The following CEP192 variants were observed in gnomAD, a reference collection of about 807,000 sequenced individuals.
CEP192 encodes centrosomal protein 192, also known as centrosomal protein of 192 kDa.
Under a neutral mutation model 271.8 loss-of-function variants are expected in CEP192, and 151 were observed. The ratio of observed to expected loss-of-function variants is 0.56; its 90% CI spans 0.49 to 0.64. CEP192 has a LOEUF of 0.64. Ranked by LOEUF, CEP192 falls within the 30% of genes least tolerant of loss-of-function variation. The pLI is 0.00. For missense variants in CEP192, 2,910 were observed against 3,020.5 expected, an observed-to-expected ratio of 0.96 and a Z score of 0.86; for synonymous variants, 995 against 1,076.5, an observed-to-expected ratio of 0.92 and a Z score of 1.48.
At chr18:13,011,209 A>T (rs2034332851) in intron 4 of CEP192, among the ~76,000 whole-genome samples, 1 of 145,180 alleles carries the variant, frequency 6.9e-6, no homozygotes, top group Non-Finnish European at 1.5e-5. Flanking sequence ...CCTGGGTGAC[A>T]GAGAGAGACT....
At chr18:13,000,091 C>CTTTTTTTTTTTTTT (rs775544715) in intron 2 of CEP192, among the ~76,000 whole-genome samples, 3 of 76,756 alleles carry the variant, frequency 3.9e-5, no homozygotes, top group Non-Finnish European at 5.5e-5. Context: ...TGTCTTCTCT[C>CTTTTTTTTTTTTTT]TTTTTTTTTT....
Position 13,116,393 on chromosome 18 carries a change from G to A in CEP192, c.7306G>A (p.Ala2436Thr). The A allele has an allele frequency of 1.9e-6, 3 of 1,612,112 alleles. No homozygotes were observed. The highest frequency in any genetic ancestry group is 2.5e-6 in the Non-Finnish European group (3 of 1,179,482). ...ARIPEQLDVTARGVYAPEDVY... is the reference protein window; with the variant it reads ...ARIPEQLDVTTRGVYAPEDVY... Reference sequence around the variant, plus strand: ...CCAAAGCAGGCAGCTTGATGTGACTGCTCGTGGAGTTTATGCCCCAGAGGA... The same window carrying A: ...CCAAAGCAGGCAGCTTGATGTGACTACTCGTGGAGTTTATGCCCCAGAGGA... The change falls in exon 43 of 45, where the codon GCT becomes ACT. Residue 2436 changes from alanine (A) to threonine (T), a missense_variant. By Grantham distance (58) the Ala-to-Thr change is moderately conservative. Coordinates refer to ENST00000506447, the MANE Select transcript of CEP192 (RefSeq NM_032142.4).
intron 21 of CEP192, among the ~76,000 whole-genome samples, chr18:13,060,711 C>T (rs1229690782): frequency 6.6e-6 from 1 of 151,804 alleles, no homozygotes; most frequent in Non-Finnish European, 1.5e-5. Flanking sequence ...TTGCTTGAGC[C>T]CAGGAGTTCG....
At chr18:13,092,599 T>C (rs373817234) in intron 34 of CEP192, 72 bp downstream of exon 34, 8 of 1,065,034 alleles carry the variant, frequency 7.5e-6, no homozygotes, top group Non-Finnish European at 1.1e-5. Context: ...TGATCTTTTT[T>C]CCTGTACTTC....
chr18:13,106,580 A>C (rs2039963872), intron 40 of CEP192, among the ~76,000 whole-genome samples: 1 of 148,610 alleles, frequency 6.7e-6, no homozygotes, highest in South Asian at 2.1e-4. Context: ...CACACCCCAC[A>C]CAGCTACCAC....
At position 13,110,912 on chromosome 18, in the gene CEP192, C is replaced by G. The variant is rs191113814; in HGVS notation, c.7048-2674C>G. 4.6e-5 allele frequency among the ~76,000 whole-genome samples: 7 copies of G among 152,360 alleles called. No individual in the cohort carries two copies. In the East Asian group the frequency reaches 1.3e-3, roughly 29 times the overall value. On this transcript the variant is annotated intron_variant, in intron 40 of 44. Transcript: ENST00000506447. ...AATGAAAGCCAAGAGACTCAGCAAGCAAGGTTATCCCACCTTCTTCCACCT... is the reference window on the plus strand; with the variant it reads ...AATGAAAGCCAAGAGACTCAGCAAGGAAGGTTATCCCACCTTCTTCCACCT...
Position 13,124,806 on chromosome 18 carries a change from G to T in CEP192, c.*36G>T. 1 of 1,484,374 alleles carries T rather than the reference G, an allele frequency of 6.7e-7. No homozygotes were observed. Among genetic ancestry groups the T allele is most frequent in the Non-Finnish European group, 9.3e-7 (1 of 1,074,726 alleles). 92.0% of individuals were successfully genotyped at this position (1,484,374 alleles called of 1,614,324 possible). A position where few individuals can be genotyped will look rare whatever the true frequency, so the allele number is the denominator to read the frequency against. On this transcript the variant is annotated 3_prime_UTR_variant, in exon 45 of 45. Coordinates refer to ENST00000506447, the MANE Select transcript of CEP192 (RefSeq NM_032142.4). ...TTTTTGTGTAAAGTAAATTACATAAGTTGTATTTTGTTAACTTTATCTTTC... is the reference window on the plus strand; with the variant it reads ...TTTTTGTGTAAAGTAAATTACATAATTTGTATTTTGTTAACTTTATCTTTC...
chr18:13,099,169 GGGGAGA>G (rs1471153938), intron 36 of CEP192, among the ~76,000 whole-genome samples: 7 of 151,268 alleles, frequency 4.6e-5, no homozygotes, highest in East Asian at 2.0e-4. Flanking sequence ...GGGAGACCAT[GGGGAGA>G]GGGAGGGGGA....
intron 40 of CEP192, among the ~76,000 whole-genome samples, chr18:13,106,983 A>G (rs1448208786): frequency 3.9e-5 from 6 of 152,228 alleles, no homozygotes; most frequent in Non-Finnish European, 8.8e-5. Context: ...TACACCAGCA[A>G]GACACAAGAA....
rs144658536 is a variant in CEP192 at position 13,018,510 on chromosome 18, T to C, written c.820T>C (p.Phe274Leu). 1.1e-3 allele frequency: 1,637 copies of C among 1,539,142 alleles called. 21 individuals carry two copies. In the African/African-American group the frequency reaches 0.02, roughly 19 times the overall value. The change falls in exon 8 of 45, where the codon TTT (phenylalanine) becomes CTT (leucine). Residue 274 changes from phenylalanine to leucine, a missense_variant. Phe to Leu is a conservative substitution (Grantham distance 22, BLOSUM62 0). Transcript: ENST00000506447. ...ANENGSLNCK[F>L]QSENNSSLIS... ...TGAAAACGGTAGCTTAAACTGCAAG[T>C]TTCAATCAGAAAATAACAGCTCTCT...
chr18:13,043,290 A>G (rs2036307730), intron 15 of CEP192, among the ~76,000 whole-genome samples: 1 of 152,202 alleles, frequency 6.6e-6, no homozygotes, highest in Non-Finnish European at 1.5e-5. Flanking sequence ...TTTGTCAGTT[A>G]TGAGTGTTCC....
At chr18:13,106,533 C>T (rs116785749) in intron 40 of CEP192, among the ~76,000 whole-genome samples, 19,473 of 149,006 alleles carry the variant, frequency 0.13, 1,386 homozygotes, top group East Asian at 0.3. Flanking sequence ...CCACCACCAC[C>T]ACCTCCCCCA....
rs535693743 is a variant in CEP192 at position 13,096,241 on chromosome 18, G to C, written c.6491G>C (p.Arg2164Thr). ...QIVNNSVRLL[R>T]FELCWPAHCL... ...GTGAATAACTCTGTGAGGTTACTGA[G>C]ATTTGAGCTGTGCTGGCCAGCGCAT... The change falls in exon 36 of 45, where the codon AGA becomes ACA. Residue 2164 changes from arginine (R) to threonine (T), a missense_variant. Physicochemically the swap from Arg to Thr is moderately conservative, Grantham distance 71. Coordinates refer to ENST00000506447, the MANE Select transcript of CEP192 (RefSeq NM_032142.4). 14 of 1,614,218 alleles carry C rather than the reference G, an allele frequency of 8.7e-6. No individual in the cohort carries two copies. The South Asian group carries it at 1.4e-4, about 16-fold the overall frequency.
Position 13,001,472 on chromosome 18 carries a change from G to C in CEP192, c.180G>C (p.Gln60His), listed in dbSNP as rs1338092150. Residue 60 changes from glutamine to histidine, a missense_variant, in exon 3 of 45, where the codon CAG (glutamine) becomes CAC (histidine). Physicochemically the swap from Gln to His is conservative, Grantham distance 24. Coordinates refer to ENST00000506447, the MANE Select transcript of CEP192 (RefSeq NM_032142.4). Reference sequence around the variant, plus strand: ...TTTTGTATAGGTATCCTGATATCCAGGCATCTTACTTAGTAGAAGGGAGAT... The same window carrying C: ...TTTTGTATAGGTATCCTGATATCCACGCATCTTACTTAGTAGAAGGGAGAT... ...SSTDNRYPDI[Q>H]ASYLVEGRFS... The C allele has an allele frequency of 6.5e-7, 1 of 1,544,096 alleles. No individual in the cohort carries two copies. Among genetic ancestry groups the C allele is most frequent in the Non-Finnish European group, 8.8e-7 (1 of 1,142,186 alleles).
At chr18:13,057,821 C>T in intron 20 of CEP192, 88 bp downstream of exon 20, 1 of 1,260,326 alleles carries the variant, frequency 7.9e-7, no homozygotes. Context: ...TAGGTTCTCC[C>T]TTCACGCCTT....
chr18:13,103,996 G>A (rs988734234), intron 39 of CEP192: 2 of 376,998 alleles, frequency 5.3e-6, no homozygotes, highest in Non-Finnish European at 1.1e-5. Flanking sequence ...GGCCTTGCTG[G>A]TTATTTGTTC....
At position 12,999,356 on chromosome 18, in the gene CEP192, C is replaced by T; in HGVS notation, c.-4-65C>T. The T allele has an allele frequency of 3.3e-6, 4 of 1,224,448 alleles. No individual in the cohort carries two copies. In the East Asian group the frequency reaches 8.1e-5, roughly 25 times the overall value. 75.8% of individuals were successfully genotyped at this position (1,224,448 alleles called of 1,614,324 possible). A position where few individuals can be genotyped will look rare whatever the true frequency, so the allele number is the denominator to read the frequency against. On this transcript the variant is annotated intron_variant, in intron 1 of 44. Transcript: ENST00000506447. ...GATTTATTAGTTTTCTAAGACAATGCTTTTAATCATTTAAAAACATTTTAT... is the reference window on the plus strand; with the variant it reads ...GATTTATTAGTTTTCTAAGACAATGTTTTTAATCATTTAAAAACATTTTAT...
intron 12 of CEP192, 73 bp downstream of exon 12, chr18:13,037,374 T>C: frequency 1.5e-6 from 1 of 650,766 alleles, no homozygotes; most frequent in Non-Finnish European, 2.7e-6. Flanking sequence ...ACAGTGTTCA[T>C]TTCTTTCTGA....
At chr18:13,059,706 C>T (rs1301671922) in intron 21 of CEP192, among the ~76,000 whole-genome samples, 1 of 152,112 alleles carries the variant, frequency 6.6e-6, no homozygotes, top group Non-Finnish European at 1.5e-5. Flanking sequence ...GAAATTAGGT[C>T]TGGCCAAGTT....
Sources: gnomAD v4.1 joint callset for allele counts (sites outside exome capture counted in the v4.1 genomes callset) on GRCh38, gnomAD v4.1.1 for gene constraint, MANE v1.5 for transcripts, NCBI Gene and HGNC (gene_info 2026-07-23, HGNC 2026-07-21) for gene names.